LYRM4: variants seen among roughly 807,000 people sequenced by gnomAD.
The protein encoded by LYRM4 is LYR motif-containing protein 4.
In LYRM4, 9 loss-of-function variants were observed where a neutral mutation model predicts 11.7. The observed-to-expected ratio is 0.77, with a 90% CI of 0.46 to 1.34. The LOEUF is 1.34. Ranked by LOEUF, LYRM4 falls within the 40% of genes most tolerant of loss-of-function variation. LYRM4 has a pLI of 0.00. For missense variants in LYRM4, 133 were observed against 112.5 expected (o/e 1.18, Z -0.82); for synonymous variants, 42 against 40.4 (o/e 1.04, Z -0.15).
intron 2 of LYRM4, among the ~76,000 whole-genome samples, chr6:5,144,621 T>G (rs1757600367): frequency 1.9e-5 from 1 of 53,928 alleles, no homozygotes; most frequent in Non-Finnish European, 3.4e-5. Context: ...CGAGACTCCG[T>G]CTCAAAAAAA....
intron 2 of LYRM4, among the ~76,000 whole-genome samples, chr6:5,212,519 T>G (rs1033728999): frequency 1.3e-5 from 2 of 152,190 alleles, no homozygotes; most frequent in East Asian, 3.9e-4. Flanking sequence ...GGTCTGGACA[T>G]AAAAGGCCTC....
intron 1 of LYRM4, among the ~76,000 whole-genome samples, chr6:5,221,053 C>T (rs2127729170): frequency 6.6e-6 from 1 of 152,238 alleles, no homozygotes; most frequent in Non-Finnish European, 1.5e-5. Context: ...TCTCAAACTC[C>T]TGACTTCCAG....
intron 2 of LYRM4, among the ~76,000 whole-genome samples, chr6:5,178,761 C>T (rs1161277145): frequency 8.8e-5 from 12 of 135,654 alleles, no homozygotes; most frequent in African/African-American, 3.1e-4. Flanking sequence ...GCTGAGATCA[C>T]GCCATTGCAC....
At chr6:5,092,115 T>G in the LYRM4 span, among the ~76,000 whole-genome samples, 1 of 152,214 alleles carries the variant, frequency 6.6e-6, no homozygotes, top group Non-Finnish European at 1.5e-5. Context: ...AGTTGAAAAT[T>G]TCATGAACAC....
chr6:5,180,500 GT>G (rs1468237777), intron 2 of LYRM4, among the ~76,000 whole-genome samples: 1 of 152,174 alleles, frequency 6.6e-6, no homozygotes, highest in Non-Finnish European at 1.5e-5. Context: ...CTAACCTTAG[GT>G]AGGTTGCAGC....
intron 2 of LYRM4, chr6:5,138,803 T>C: frequency 7.8e-7 from 1 of 1,287,712 alleles, no homozygotes; most frequent in Non-Finnish European, 1.1e-6. Context: ...AAAGAGTTCT[T>C]TGGGATTTCA....
intron 2 of LYRM4, among the ~76,000 whole-genome samples, chr6:5,144,478 A>G (rs1456762940): frequency 6.6e-6 from 1 of 151,798 alleles, no homozygotes; most frequent in Non-Finnish European, 1.5e-5. Flanking sequence ...TCTACTAAAA[A>G]CACAAAAAAT....
At chr6:5,058,171 G>C in the LYRM4 span, among the ~76,000 whole-genome samples, 3 of 152,054 alleles carry the variant, frequency 2.0e-5, no homozygotes, top group South Asian at 2.1e-4. Context: ...CTTATGAAGA[G>C]TCTACACGGG....
At chr6:5,235,593 T>C (rs995555204) in intron 1 of LYRM4, among the ~76,000 whole-genome samples, 8 of 152,230 alleles carry the variant, frequency 5.3e-5, no homozygotes, top group Non-Finnish European at 1.0e-4. Flanking sequence ...GGAAATAATT[T>C]ACATATACCT....
intron 2 of LYRM4, among the ~76,000 whole-genome samples, chr6:5,189,471 G>C (rs1015850731): frequency 1.9e-4 from 29 of 152,208 alleles, no homozygotes; most frequent in Admixed American, 1.4e-3. Context: ...TTTGAAAGCA[G>C]ATCTGTGACT....
At chr6:5,036,938 G>T in the LYRM4 span, among the ~76,000 whole-genome samples, 1 of 151,838 alleles carries the variant, frequency 6.6e-6, no homozygotes, top group Non-Finnish European at 1.5e-5. Context: ...GCCCTTCAAA[G>T]TCCCCTGTTA....
chr6:5,195,185 C>T (rs1205362522), intron 2 of LYRM4, among the ~76,000 whole-genome samples: 4 of 152,172 alleles, frequency 2.6e-5, no homozygotes, highest in East Asian at 3.8e-4. Context: ...TTGAAGTTTA[C>T]TCACCTCACC....
chr6:5,086,629 A>T, the LYRM4 span: 2 of 1,293,558 alleles, frequency 1.5e-6, no homozygotes, highest in Non-Finnish European at 2.1e-6. Flanking sequence ...CTGCCGCCTC[A>T]AGGAACTTGC....
rs1178721184 is a variant in LYRM4 at position 5,119,263 on chromosome 6, T to A, written c.208-9772A>T. Reference sequence around the variant, plus strand: ...CCCGTGTCACAGTTAATAATTAATATGTTTCGTCTTTGCTTGTTGGGACAA... The same window carrying A: ...CCCGTGTCACAGTTAATAATTAATAAGTTTCGTCTTTGCTTGTTGGGACAA... On this transcript the variant is annotated intron_variant, in intron 2 of 2. Coordinates refer to ENST00000330636, the MANE Select transcript of LYRM4 (RefSeq NM_020408.6). Among the ~76,000 whole-genome samples the A allele has an allele frequency of 3.3e-5, 5 of 152,202 alleles. No homozygotes were observed. The East Asian group carries it at 9.6e-4, about 29-fold the overall frequency.
the LYRM4 span, among the ~76,000 whole-genome samples, chr6:5,083,866 T>A: frequency 6.6e-6 from 1 of 152,240 alleles, no homozygotes; most frequent in Non-Finnish European, 1.5e-5. Flanking sequence ...ACTTTCTATA[T>A]AAGTAACTGA....
intron 2 of LYRM4, among the ~76,000 whole-genome samples, chr6:5,206,861 ATAACTGACCAATCCATG>A (rs11274880): frequency 0.92 from 139,779 of 151,988 alleles, 65,251 homozygotes; most frequent in Non-Finnish European, 1. Context: ...TTCAGTATTC[ATAACTGACCAATCCATG>A]TAACTGACCA....
At chr6:5,220,828 C>A (rs1762537493) in intron 1 of LYRM4, among the ~76,000 whole-genome samples, 2 of 152,128 alleles carry the variant, frequency 1.3e-5, no homozygotes, top group South Asian at 4.1e-4. Context: ...ACACAGACCT[C>A]CAGTTTTAGG....
At chr6:5,230,419 C>T (rs1411832947) in intron 1 of LYRM4, among the ~76,000 whole-genome samples, 1 of 152,148 alleles carries the variant, frequency 6.6e-6, no homozygotes, top group Non-Finnish European at 1.5e-5. Context: ...GATTTTCTGG[C>T]TTCTTTTTTC....
chr6:5,254,844 G>C (rs1417127272), intron 1 of LYRM4, among the ~76,000 whole-genome samples: 1 of 152,120 alleles, frequency 6.6e-6, no homozygotes, highest in East Asian at 1.9e-4. Context: ...GTGGGGTCCT[G>C]CTCTATCGGT....
Sources: gnomAD v4.1 joint callset for allele counts (sites outside exome capture counted in the v4.1 genomes callset) on GRCh38, gnomAD v4.1.1 for gene constraint, MANE v1.5 for transcripts, NCBI Gene and HGNC (gene_info 2026-07-23, HGNC 2026-07-21) for gene names.